COL21A1: variants seen among roughly 807,000 people sequenced by gnomAD.
COL21A1 encodes the protein collagen type XXI alpha 1 chain.
Under a neutral mutation model 137.9 loss-of-function variants are expected in COL21A1, and 149 were observed. The observed-to-expected ratio is 1.08, with a 90% confidence interval of 0.95 to 1.24. The LOEUF is 1.24. Ranked by LOEUF, COL21A1 falls within the 50% of genes most tolerant of loss-of-function variation. The pLI is 0.00. For synonymous variants in COL21A1, 456 were observed against 391.5 expected (o/e 1.16, Z -1.95); for missense variants, 1,167 against 1,158.4 (o/e 1.01, Z -0.11).
At chr6:56,292,766 T>G (rs1207326672) in intron 1 of COL21A1, among the ~76,000 whole-genome samples, 1 of 150,688 alleles carries the variant, frequency 6.6e-6, no homozygotes, top group African/African-American at 2.4e-5. Context: ...TATTTGTGAA[T>G]ATTCCTGGTA....
intron 17 of COL21A1, among the ~76,000 whole-genome samples, chr6:56,095,937 T>G (rs1347772532): frequency 6.6e-6 from 1 of 151,968 alleles, no homozygotes; most frequent in African/African-American, 2.4e-5. Flanking sequence ...GTCTCCACCT[T>G]CCAGGTTCAA....
At chr6:56,066,356 C>T (rs1213090454) in intron 23 of COL21A1, among the ~76,000 whole-genome samples, 1 of 151,854 alleles carries the variant, frequency 6.6e-6, no homozygotes, top group Non-Finnish European at 1.5e-5. Flanking sequence ...CAAGTTTTGC[C>T]TATGACTATT....
intron 24 of COL21A1, among the ~76,000 whole-genome samples, chr6:56,063,848 G>A (rs1315086614): frequency 1.3e-5 from 2 of 151,994 alleles, no homozygotes; most frequent in Non-Finnish European, 2.9e-5. Flanking sequence ...CCACCCCATG[G>A]GAGGACTCAC....
Position 56,268,014 on chromosome 6 carries a change from C to A in COL21A1, c.-38-85358G>T, listed in dbSNP as rs1206393650. On this transcript the variant is annotated intron_variant, in intron 1 of 28. Coordinates refer to the COL21A1 transcript ENST00000370819. ...TGAAAGCACTTTGGATCCCCCAGCA[C>A]AACTGGAGCTAGATCCCAAGGGTCT... Among the ~76,000 whole-genome samples, 3 of 152,308 alleles carry A rather than the reference C, an allele frequency of 2.0e-5. No homozygotes were observed. The East Asian group carries it at 5.8e-4, about 29-fold the overall frequency.
At chr6:56,101,608 T>A (rs1770464082) in intron 16 of COL21A1, 83 bp from the exon 17 acceptor site, 1 of 921,086 alleles carries the variant, frequency 1.1e-6, no homozygotes, top group Non-Finnish European at 1.7e-6. Context: ...CATTACATAT[T>A]AAAGAACATT....
intron 1 of COL21A1, among the ~76,000 whole-genome samples, chr6:56,326,041 ATGTATG>A (rs1765082573): frequency 9.9e-6 from 1 of 100,796 alleles, no homozygotes; most frequent in African/African-American, 3.7e-5. Context: ...TATTATGTAT[ATGTATG>A]TATACAAGTA....
At chr6:56,229,428 C>T (rs1014439492) in intron 1 of COL21A1, among the ~76,000 whole-genome samples, 1 of 151,960 alleles carries the variant, frequency 6.6e-6, no homozygotes, top group Non-Finnish European at 1.5e-5. Flanking sequence ...TTTAAACTTA[C>T]ATATGTTTTA....
chr6:56,393,314 G>T (rs965520654), intron 1 of COL21A1, among the ~76,000 whole-genome samples: 1 of 152,140 alleles, frequency 6.6e-6, no homozygotes, highest in African/African-American at 2.4e-5. Context: ...AATGAAACTT[G>T]ACCCCATCTC....
intron 1 of COL21A1, among the ~76,000 whole-genome samples, chr6:56,223,632 G>T (rs1240377827): frequency 6.6e-6 from 1 of 151,890 alleles, no homozygotes; most frequent in Admixed American, 6.6e-5. Context: ...TGGGTAAGGG[G>T]ATAATATTAA....
chr6:56,084,176 A>T (rs997364077), intron 17 of COL21A1, among the ~76,000 whole-genome samples: 6 of 151,736 alleles, frequency 4.0e-5, no homozygotes, highest in Non-Finnish European at 8.8e-5. Flanking sequence ...ACTTATAGGG[A>T]TATATCCCTT....
intron 14 of COL21A1, 141 bp downstream of exon 14, chr6:56,125,426 T>A (rs1316133061): frequency 1.0e-5 from 5 of 494,370 alleles, no homozygotes; most frequent in Non-Finnish European, 1.8e-5. Flanking sequence ...TTTTTCTTTT[T>A]TCATTGTTCT....
rs1371981850 is a variant in COL21A1 at position 56,168,391 on chromosome 6, G to A, written c.1027-94C>T. ...CTCCCTTGTTCCTAACCATTGCTGA[G>A]AAACTTCATCCCACACAGACTGACT... On this transcript the variant is annotated intron_variant, in intron 5 of 29. Coordinates refer to ENST00000244728, the MANE Select transcript of COL21A1 (RefSeq NM_030820.4). 2.8e-6 allele frequency: 3 copies of A among 1,060,542 alleles called. No individual in the cohort carries two copies. In the African/African-American group the frequency reaches 4.8e-5, roughly 17 times the overall value. 65.7% of individuals were successfully genotyped at this position (1,060,542 alleles called of 1,614,324 possible).
In COL21A1 at chr6:56,189,443, A is replaced by G. The variant is rs141733617; in HGVS notation, c.-38-6787T>C. 2.2e-3 allele frequency among the ~76,000 whole-genome samples: 329 copies of G among 152,194 alleles called. 1 individual carries two copies. Among genetic ancestry groups the G allele is most frequent in the African/African-American group, 7.0e-3 (292 of 41,530 alleles). ...AAAAAAGAATAAAAAGGAATGAATAAAGCCTCCAAGAAATATGGGAATATG... is the reference window on the plus strand; with the variant it reads ...AAAAAAGAATAAAAAGGAATGAATAGAGCCTCCAAGAAATATGGGAATATG... On this transcript the variant is annotated intron_variant, in intron 1 of 29. Coordinates refer to ENST00000244728, the MANE Select transcript of COL21A1 (RefSeq NM_030820.4).
chr6:56,086,491 GTTA>G (rs1331777185), intron 17 of COL21A1, among the ~76,000 whole-genome samples: 14 of 152,112 alleles, frequency 9.2e-5, no homozygotes, highest in Non-Finnish European at 1.5e-4. Flanking sequence ...AAAAGCAAAT[GTTA>G]TTAAGATAAT....
In COL21A1 at chr6:56,329,966, G is replaced by T. The variant is rs1461695074; in HGVS notation, c.-39+64005C>A. Among the ~76,000 whole-genome samples, 3 of 152,118 alleles carry T rather than the reference G, an allele frequency of 2.0e-5. No homozygotes were observed. In the East Asian group the frequency reaches 5.8e-4, roughly 29 times the overall value. ...TTTCTGTAGCTGATTTGACCATGAA[G>T]TATCATACCACAAACTAATTTCATA... On this transcript the variant is annotated intron_variant, in intron 1 of 28. Transcript: ENST00000370819.
chr6:56,209,875 C>A (rs1242980925), intron 1 of COL21A1, among the ~76,000 whole-genome samples: 2 of 152,152 alleles, frequency 1.3e-5, no homozygotes, highest in East Asian at 3.9e-4. Context: ...TGGAGTCAAC[C>A]TAAATGTCCA....
chr6:56,170,333 C>T (rs1241532041), intron 5 of COL21A1, among the ~76,000 whole-genome samples: 1 of 151,754 alleles, frequency 6.6e-6, no homozygotes, highest in Non-Finnish European at 1.5e-5. Context: ...GAGAACTTAA[C>T]ATCCTTGAAT....
chr6:56,393,812 G>T (rs997891583), intron 1 of COL21A1, among the ~76,000 whole-genome samples: 1 of 152,174 alleles, frequency 6.6e-6, no homozygotes, highest in Non-Finnish European at 1.5e-5. Flanking sequence ...CCTACTGGCG[G>T]ACCTGGCAAT....
chr6:56,250,092 C>T (rs941657955), upstream of COL21A1, among the ~76,000 whole-genome samples: 2 of 152,190 alleles, frequency 1.3e-5, no homozygotes, highest in Admixed American at 1.3e-4. Flanking sequence ...TCTGCACAAT[C>T]GTTGCTTGAT....
Sources: gnomAD v4.1 joint callset for allele counts (sites outside exome capture counted in the v4.1 genomes callset) on GRCh38, gnomAD v4.1.1 for gene constraint, MANE v1.5 for transcripts, NCBI Gene and HGNC (gene_info 2026-07-23, HGNC 2026-07-21) for gene names.